The following EPB41L1 variants were observed in gnomAD, a reference collection of about 807,000 sequenced individuals.
EPB41L1 encodes the protein band 4.1-like protein 1.
A neutral mutation model predicts 97.8 loss-of-function variants in EPB41L1; 29 were observed. The observed-to-expected ratio is 0.30, with a 90% CI of 0.22 to 0.40. The LOEUF is 0.40. EPB41L1 is among the 10% of genes least tolerant of loss of function. The pLI is 1.00. For synonymous variants in EPB41L1, 383 were observed against 459.2 expected, an observed-to-expected ratio of 0.83 and a Z score of 2.12; for missense variants, 812 against 1,162.3, an observed-to-expected ratio of 0.70 and a Z score of 4.38.
chr20:36,150,190 C>T (rs543801408), upstream of EPB41L1, among the ~76,000 whole-genome samples: 19 of 151,996 alleles, frequency 1.3e-4, no homozygotes, highest in East Asian at 3.5e-3. Context: ...CCTGCCTCAG[C>T]CTCTGGAGTA....
Position 36,228,372 on chromosome 20 carries a change from C to A in EPB41L1, c.2638-960C>A, listed in dbSNP as rs531160337. On this transcript the variant is annotated intron_variant, in intron 21 of 21. Coordinates refer to ENST00000338074, the MANE Select transcript of EPB41L1 (RefSeq NM_012156.2). ...TTCCTCCCTATAATGGGAGGCAGAA[C>A]CTATTTTACGGAGGAAGCAATTGAG... is the stretch of plus-strand genomic sequence containing the variant. Among the ~76,000 whole-genome samples the A allele has an allele frequency of 1.0e-3, 158 of 152,284 alleles. 2 individuals carry two copies. Among genetic ancestry groups the A allele is most frequent in the Middle Eastern group, 6.8e-3 (2 of 294 alleles).
chr20:36,229,661 AT>A lies in EPB41L1; in HGVS notation c.*322del, dbSNP rs2064399584. The stretch of plus-strand genomic sequence containing the variant: ...GGGATTTTTTTCAAGAAAAAAAATT[AT>A]ATAATAACTATAATCCCTTGCTCAC... On this transcript the variant is annotated 3_prime_UTR_variant, in exon 22 of 22. Transcript: ENST00000338074. 1 of 256,186 alleles carries A rather than the reference AT, an allele frequency of 3.9e-6. No individual in the cohort carries two copies. The highest frequency in any genetic ancestry group is 7.4e-6 in the Non-Finnish European group (1 of 134,634). The allele number at this position is 256,186 out of a possible 1,614,324, so 15.9% of individuals were successfully genotyped here.
intron 19 of EPB41L1, among the ~76,000 whole-genome samples, chr20:36,221,067 C>T (rs1601082368): frequency 2.0e-5 from 3 of 152,346 alleles, no homozygotes; most frequent in Admixed American, 2.0e-4. Context: ...GGTTTTACAT[C>T]CCACGCCCAC....
At chr20:36,215,502 T>C (rs1480546949) in intron 17 of EPB41L1, among the ~76,000 whole-genome samples, 1 of 152,212 alleles carries the variant, frequency 6.6e-6, no homozygotes, top group Non-Finnish European at 1.5e-5. Context: ...TCCATCAATC[T>C]AGACTAGCCA....
chr20:36,150,964 C>T (rs1396132351), upstream of EPB41L1: 2 of 152,244 alleles, frequency 1.3e-5, no homozygotes, highest in African/African-American at 4.8e-5. Flanking sequence ...TAGTCAAGGG[C>T]CCTGGTGGCT....
Position 36,176,199 on chromosome 20 carries a change from G to A in EPB41L1, c.342+484G>A, listed in dbSNP as rs111522852. On this transcript the variant is annotated intron_variant, in intron 3 of 21. Transcript: ENST00000338074. ...GGTTCTATGGCAAGCCCATCACCAC[G>A]TCACAGGGAGGCGGCCCATTGGGAA... Among the ~76,000 whole-genome samples, 1,278 of 152,330 alleles carry A rather than the reference G, an allele frequency of 8.4e-3. 9 individuals carry two copies. The highest frequency in any genetic ancestry group is 0.014 in the Non-Finnish European group (970 of 68,034).
chr20:36,108,777 T>C (rs1424712066), intron 1 of EPB41L1, among the ~76,000 whole-genome samples: 2 of 152,116 alleles, frequency 1.3e-5, no homozygotes, highest in African/African-American at 2.4e-5. Context: ...CAGAGTTGAG[T>C]TGGGCACATT....
intron 17 of EPB41L1, among the ~76,000 whole-genome samples, chr20:36,216,800 G>A (rs564258183): frequency 1.3e-5 from 2 of 152,306 alleles, no homozygotes; most frequent in Non-Finnish European, 2.9e-5. Flanking sequence ...CTGGGGTGGG[G>A]CTGGAGTGCA....
intron 1 of EPB41L1, among the ~76,000 whole-genome samples, chr20:36,109,102 C>T (rs1210995510): frequency 6.6e-6 from 1 of 152,108 alleles, no homozygotes; most frequent in South Asian, 2.1e-4. Context: ...TGCCACCACG[C>T]CCGGCTAATT....
intron 2 of EPB41L1, among the ~76,000 whole-genome samples, chr20:36,135,685 G>A (rs751270675): frequency 3.4e-4 from 51 of 152,230 alleles, no homozygotes; most frequent in Non-Finnish European, 5.0e-4. Flanking sequence ...CCCACGCATA[G>A]CTCTTAGCTT....
Position 36,219,931 on chromosome 20 carries a change from G to A in EPB41L1, c.2439+87G>A, listed in dbSNP as rs1034313495. ...TTGTTCTGCTTCGGCTTCGCCATCTGTAAAGTGGACAGAGAAAACCTGTAG... is the reference window on the plus strand; with the variant it reads ...TTGTTCTGCTTCGGCTTCGCCATCTATAAAGTGGACAGAGAAAACCTGTAG... On this transcript the variant is annotated intron_variant, in intron 19 of 21. Transcript: ENST00000338074. The A allele has an allele frequency of 8.5e-6, 10 of 1,177,690 alleles. No homozygotes were observed. The African/African-American group carries it at 9.0e-5, about 11-fold the overall frequency. 73.0% of individuals were successfully genotyped at this position (1,177,690 alleles called of 1,614,324 possible).
At chr20:36,176,804 G>A (rs1002471300) in intron 3 of EPB41L1, among the ~76,000 whole-genome samples, 1 of 151,526 alleles carries the variant, frequency 6.6e-6, no homozygotes, top group African/African-American at 2.4e-5. Context: ...GCTAATTTTT[G>A]TATTTTTAGT....
chr20:36,140,059 G>T (rs1233405099), intron 2 of EPB41L1, among the ~76,000 whole-genome samples: 2 of 147,368 alleles, frequency 1.4e-5, no homozygotes, highest in Admixed American at 6.8e-5. Context: ...GTTGTTGTTT[G>T]TTTGTTTGTT....
chr20:36,125,064 C>T (rs760251441), intron 2 of EPB41L1, among the ~76,000 whole-genome samples: 1 of 152,102 alleles, frequency 6.6e-6, no homozygotes, highest in Non-Finnish European at 1.5e-5. Flanking sequence ...ATTAATGTAA[C>T]TATAAAGCCC....
chr20:36,151,786 C>G (rs2060058781), upstream of EPB41L1: 1 of 152,342 alleles, frequency 6.6e-6, no homozygotes, highest in African/African-American at 2.4e-5. Flanking sequence ...GTCACTCCCA[C>G]TCTGAGCCTC....
At chr20:36,189,104 C>T (rs140041338) in intron 9 of EPB41L1, among the ~76,000 whole-genome samples, 94 of 152,246 alleles carry the variant, frequency 6.2e-4, no homozygotes, top group African/African-American at 2.1e-3. Flanking sequence ...CTACATCTCA[C>T]CCATCAAAAA....
At chr20:36,118,355 T>C (rs1267196163) in intron 2 of EPB41L1, among the ~76,000 whole-genome samples, 1 of 149,852 alleles carries the variant, frequency 6.7e-6, no homozygotes, top group African/African-American at 2.5e-5. Flanking sequence ...CAAGACTCCA[T>C]CTCAAAAAAA....
In EPB41L1 at chr20:36,207,490, C is replaced by G; in HGVS notation, c.1669-1998C>G. 2.3e-6 allele frequency: 3 copies of G among 1,289,780 alleles called. No individual in the cohort carries two copies. Among genetic ancestry groups the G allele is most frequent in the Non-Finnish European group, 3.0e-6 (3 of 988,868 alleles). The allele number at this position is 1,289,780 out of a possible 1,614,324, so 79.9% of individuals were successfully genotyped here. ...TGAGACCCACGGAGCTGAAACTCGC[C>G]GAATGAGTGAGGGTGAAGCAAGGTC... On this transcript the variant is annotated intron_variant, in intron 14 of 21. Coordinates refer to ENST00000338074, the MANE Select transcript of EPB41L1 (RefSeq NM_012156.2). This position sits in a 1 kb window ranked among gnomAD's most constrained non-coding sequence, Gnocchi z 4.9.
chr20:36,164,168 A>G (rs1448483816), intron 1 of EPB41L1, among the ~76,000 whole-genome samples: 1 of 152,120 alleles, frequency 6.6e-6, no homozygotes, highest in African/African-American at 2.4e-5. Context: ...CTATTGGCCA[A>G]ATGGAACCAG....
Sources: allele counts gnomAD v4.1 joint callset (sites outside exome capture counted in the v4.1 genomes callset), GRCh38; gene constraint gnomAD v4.1.1; non-coding constraint Gnocchi (gnomAD v3.1); transcripts MANE v1.5; gene names NCBI Gene and HGNC (gene_info 2026-07-23, HGNC 2026-07-21).